UBA2: variants seen among roughly 807,000 people sequenced by gnomAD.
The protein encoded by UBA2 is SUMO-activating enzyme subunit 2.
Under a neutral mutation model 77.2 loss-of-function variants are expected in UBA2, and 11 were observed. The observed-to-expected ratio is 0.14, with a 90% CI of 0.09 to 0.24. The LOEUF is 0.24. UBA2 is among the 10% of genes least tolerant of loss of function. The pLI is 1.00. For synonymous variants in UBA2, 278 were observed against 276.7 expected (o/e 1.00, Z -0.05); for missense variants, 487 against 781.7 (o/e 0.62, Z 4.50).
intron 4 of UBA2, among the ~76,000 whole-genome samples, chr19:34,434,516 G>GT (rs1389687728): frequency 6.6e-6 from 1 of 152,090 alleles, no homozygotes. Flanking sequence ...TTTCTATCAT[G>GT]TATTATCTGC....
intron 12 of UBA2, among the ~76,000 whole-genome samples, chr19:34,455,984 C>T (rs2075554557): frequency 6.6e-6 from 1 of 151,440 alleles, no homozygotes; most frequent in African/African-American, 2.4e-5. Context: ...GCTATGTTGT[C>T]CGGGTTGGTC....
At chr19:34,451,620 T>G (rs1356792291) in intron 9 of UBA2, among the ~76,000 whole-genome samples, 1 of 135,334 alleles carries the variant, frequency 7.4e-6, no homozygotes. Context: ...CGATCTTGGC[T>G]CACTGCAAGC....
Position 34,433,356 on chromosome 19 carries a change from A to G in UBA2, c.302A>G (p.Tyr101Cys). 6.2e-7 allele frequency: 1 copy of G among 1,611,796 alleles called. No individual in the cohort carries two copies. Among genetic ancestry groups the G allele is most frequent in the Non-Finnish European group, 8.5e-7 (1 of 1,178,562 alleles). Residue 101 changes from tyrosine (Y) to cysteine (C), a missense_variant, in exon 4 of 17, where the codon TAT (tyrosine) becomes TGT (cysteine). Tyr to Cys is a radical substitution (Grantham distance 194). Coordinates refer to ENST00000246548, the MANE Select transcript of UBA2 (RefSeq NM_005499.3). ...TTTATTTTGTTTTGTAGCCCTGACT[A>G]TAATGTGGAATTTTTCCGACAGTTT... ...AYHDSIMNPDYNVEFFRQFIL... is the reference protein window; with the variant it reads ...AYHDSIMNPDCNVEFFRQFIL...
At chr19:34,463,891 A>AT (rs1490636069) in intron 14 of UBA2, 135 bp from the exon 15 acceptor site, 11 of 640,558 alleles carry the variant, frequency 1.7e-5, no homozygotes, top group Non-Finnish European at 3.1e-5. Context: ...GATACTGGGG[A>AT]TTAGGGTTTC....
chr19:34,431,991 G>A, intron 3 of UBA2, 60 bp downstream of exon 3: 3 of 1,220,038 alleles, frequency 2.5e-6, no homozygotes, highest in East Asian at 2.4e-5. Flanking sequence ...AAATATATAA[G>A]CTCAAAGTCA....
At chr19:34,431,244 CTT>C (rs1184297228) in intron 2 of UBA2, among the ~76,000 whole-genome samples, 37 of 69,386 alleles carry the variant, frequency 5.3e-4, no homozygotes, top group African/African-American at 8.2e-4. Context: ...ATTTTCTTTT[CTT>C]TTTTTTTTTT....
In UBA2 at chr19:34,439,376, G is replaced by A. The variant is rs559034479; in HGVS notation, c.581+610G>A. Among the ~76,000 whole-genome samples, 47 of 152,286 alleles carry A rather than the reference G, an allele frequency of 3.1e-4. No individual in the cohort carries two copies. In the South Asian group the frequency reaches 9.5e-3, roughly 31 times the overall value. On this transcript the variant is annotated intron_variant, in intron 6 of 16. Transcript: ENST00000246548. The stretch of plus-strand genomic sequence containing the variant: ...TCACAATGGAAGTTAAAAATACTCT[G>A]TACTGATAATGATGAAAATGCTATA...
At chr19:34,445,250 C>A in intron 8 of UBA2, 129 bp downstream of exon 8, 1 of 898,610 alleles carries the variant, frequency 1.1e-6, no homozygotes, top group Non-Finnish European at 1.6e-6. Context: ...CTTGTGATGT[C>A]CTAATAAAAT....
intron 4 of UBA2, among the ~76,000 whole-genome samples, chr19:34,433,909 G>A (rs2075282304): frequency 6.6e-6 from 1 of 152,120 alleles, no homozygotes; most frequent in Admixed American, 6.5e-5. Flanking sequence ...AGTGAGCCTA[G>A]ATCACACCAC....
intron 1 of UBA2, chr19:34,428,821 G>A: frequency 8.7e-7 from 1 of 1,154,684 alleles, no homozygotes; most frequent in South Asian, 4.4e-5. Flanking sequence ...CGCCTCCCCG[G>A]CAGCGCCAAT....
rs768873340 is a variant in UBA2 at position 34,430,560 on chromosome 19, G to T, written c.139-16G>T. ...CGTAAACGTTTGTCATTTATCTGGG[G>T]TTTATGCATTTGTAGATTGATCTGG... On this transcript the variant is annotated splice_polypyrimidine_tract_variant and intron_variant, in intron 1 of 16. Transcript: ENST00000246548. 6.2e-7 allele frequency: 1 copy of T among 1,600,304 alleles called. No homozygotes were observed. Among genetic ancestry groups the T allele is most frequent in the Non-Finnish European group, 8.6e-7 (1 of 1,168,654 alleles).
At chr19:34,445,604 A>G (rs964877615) in intron 8 of UBA2, among the ~76,000 whole-genome samples, 3 of 151,798 alleles carry the variant, frequency 2.0e-5, no homozygotes, top group African/African-American at 7.2e-5. Context: ...AGGCCTGGCT[A>G]ATTTTGTATT....
intron 5 of UBA2, 26 bp downstream of exon 5, chr19:34,434,994 C>A (rs771719036): frequency 1.4e-6 from 2 of 1,473,654 alleles, no homozygotes; most frequent in Admixed American, 3.9e-5. Flanking sequence ...ATTTTTTTAA[C>A]TTCCCAAATA....
In UBA2 at chr19:34,434,881, T is replaced by C. The variant is rs2075292622; in HGVS notation, c.372T>C (p.His124=). Residue 124 remains histidine, a synonymous_variant, in exon 5 of 17, where the codon CAT becomes CAC. Coordinates refer to ENST00000246548, the MANE Select transcript of UBA2 (RefSeq NM_005499.3). The stretch of plus-strand genomic sequence containing the variant: ...TTTTACTTCCAGCTGCCCGAAACCA[T>C]GTTAATAGAATGTGCCTGGCAGCTG... ...NALDNRAARN[H]VNRMCLAADV... The C allele has an allele frequency of 6.2e-7, 1 of 1,604,140 alleles. No homozygotes were observed. The highest frequency in any genetic ancestry group is 1.3e-5 in the African/African-American group (1 of 74,802).
At chr19:34,443,586 C>T (rs1328233450) in intron 6 of UBA2, among the ~76,000 whole-genome samples, 3 of 151,850 alleles carry the variant, frequency 2.0e-5, no homozygotes, top group East Asian at 1.9e-4. Context: ...GGATTACAGG[C>T]GTGCGCTACC....
At position 34,450,314 on chromosome 19, in the gene UBA2, G is replaced by A. The variant is rs755738708; in HGVS notation, c.821G>A (p.Arg274Gln). 9.9e-6 allele frequency: 16 copies of A among 1,610,286 alleles called. No individual in the cohort carries two copies. In the South Asian group the frequency reaches 1.0e-4, roughly 10 times the overall value. ...RYLLTMDKLW[R>Q]KRKPPVPLDW... ...CTGTTGACAATGGACAAACTATGGC[G>A]GAAAAGGAAACCTCCAGTTCCGTTG... Residue 274 changes from arginine to glutamine, a missense_variant, in exon 9 of 17, where the codon CGG (arginine) becomes CAG (glutamine). Coordinates refer to ENST00000246548, the MANE Select transcript of UBA2 (RefSeq NM_005499.3).
At chr19:34,430,447 G>A (rs1401194866) in intron 1 of UBA2, 129 bp from the exon 2 acceptor site, 1 of 525,972 alleles carries the variant, frequency 1.9e-6, no homozygotes, top group Admixed American at 3.3e-5. Context: ...TTGGTATGGC[G>A]ATTCGAAAAA....
intron 6 of UBA2, among the ~76,000 whole-genome samples, chr19:34,439,059 T>G (rs1488855991): frequency 5.3e-5 from 8 of 152,016 alleles, no homozygotes; most frequent in African/African-American, 1.9e-4. Context: ...AATACAAAAA[T>G]TAGTTGGCCG....
At chr19:34,456,534 T>G (rs903875883) in intron 12 of UBA2, among the ~76,000 whole-genome samples, 3 of 152,132 alleles carry the variant, frequency 2.0e-5, no homozygotes, top group Non-Finnish European at 4.4e-5. Flanking sequence ...ATATGTTATA[T>G]TTTTAATTTC....
Sources: allele counts gnomAD v4.1 joint callset (sites outside exome capture counted in the v4.1 genomes callset), GRCh38; gene constraint gnomAD v4.1.1; transcripts MANE v1.5; gene names NCBI Gene and HGNC (gene_info 2026-07-23, HGNC 2026-07-21).